The following ATF2 variants were observed in gnomAD, a reference collection of about 807,000 sequenced individuals.
ATF2 encodes the protein cyclic AMP-dependent transcription factor ATF-2.
ATF2 carries 24 observed loss-of-function variants against 60.6 expected under a neutral mutation model. That is an observed-to-expected ratio of 0.40 (90% CI 0.29 to 0.56). The LOEUF (loss-of-function observed/expected upper bound fraction) is 0.56, where lower values mean the gene tolerates loss of function less well. ATF2 is among the 20% of genes least tolerant of loss of function. The pLI, the probability that ATF2 is intolerant of heterozygous loss-of-function variation, is 0.54. For synonymous variants in ATF2, 206 were observed against 215.4 expected, an observed-to-expected ratio of 0.96 and a Z score of 0.38; for missense variants, 433 against 607.7, an observed-to-expected ratio of 0.71 and a Z score of 3.02.
In ATF2 at chr2:175,135,006, TAAAAAAA is replaced by T. The variant is rs60122560; in HGVS notation, c.32+1399_32+1405del. Among the ~76,000 whole-genome samples, 8 of 85,786 alleles carry T rather than the reference TAAAAAAA, an allele frequency of 9.3e-5. No individual in the cohort carries two copies. The South Asian group carries it at 1.5e-3, about 16-fold the overall frequency. 56.3% of individuals were successfully genotyped at this position (85,786 alleles called of 152,430 possible). A position where few individuals can be genotyped will look rare whatever the true frequency, so the allele number is the denominator to read the frequency against. On this transcript the variant is annotated intron_variant, in intron 3 of 13. Coordinates refer to ENST00000264110, the MANE Select transcript of ATF2 (RefSeq NM_001880.4). ...GTGACAAAATAAGACCCCATCTCTT[TAAAAAAA>T]AAAAAAAAAAAAAAAAAAAGACCAT... is the stretch of plus-strand genomic sequence containing the variant.
chr2:175,126,171 G>A (rs1697318748), intron 4 of ATF2, among the ~76,000 whole-genome samples: 1 of 151,982 alleles, frequency 6.6e-6, no homozygotes, highest in Admixed American at 6.6e-5. Flanking sequence ...ATCCTATTTA[G>A]GATATGACTA....
At chr2:175,117,404 C>T (rs973916691) in intron 7 of ATF2, among the ~76,000 whole-genome samples, 4 of 152,106 alleles carry the variant, frequency 2.6e-5, no homozygotes, top group South Asian at 2.1e-4. Context: ...CATTGCCCTT[C>T]GCTGTGTCCT....
intron 12 of ATF2, 147 bp downstream of exon 12, chr2:175,092,914 G>T: frequency 1.2e-6 from 1 of 807,392 alleles, no homozygotes; most frequent in Non-Finnish European, 1.9e-6. Flanking sequence ...CAAACAAACA[G>T]GTTTACAAAA....
At chr2:175,150,728 ATTC>A (rs1465149524) in intron 2 of ATF2, among the ~76,000 whole-genome samples, 1 of 152,142 alleles carries the variant, frequency 6.6e-6, no homozygotes, top group Non-Finnish European at 1.5e-5. Flanking sequence ...TTATATTATT[ATTC>A]TTAGAAGAAC....
At chr2:175,132,391 G>T (rs1697794518) in intron 3 of ATF2, among the ~76,000 whole-genome samples, 1 of 152,152 alleles carries the variant, frequency 6.6e-6, no homozygotes, top group Non-Finnish European at 1.5e-5. Context: ...TTTTAATGAT[G>T]AGTAGACATT....
intron 1 of ATF2, among the ~76,000 whole-genome samples, chr2:175,164,133 A>C (rs188752408): frequency 6.7e-6 from 1 of 149,342 alleles, no homozygotes; most frequent in Admixed American, 6.7e-5. Context: ...CACCAGTTTC[A>C]AGGTTGTCAA....
At chr2:175,082,205 A>G (rs547123542) in intron 12 of ATF2, among the ~76,000 whole-genome samples, 14 of 152,360 alleles carry the variant, frequency 9.2e-5, no homozygotes, top group East Asian at 1.9e-4. Flanking sequence ...ACAATGAACT[A>G]CATCACTGTA....
chr2:175,130,329 CTT>C (rs996376589), intron 3 of ATF2, 122 bp from the exon 4 acceptor site: 18 of 547,182 alleles, frequency 3.3e-5, no homozygotes, highest in African/African-American at 3.2e-4. Flanking sequence ...AAATAAAACA[CTT>C]TTCTGACATT....
chr2:175,122,673 G>A (rs1697046507), intron 4 of ATF2, among the ~76,000 whole-genome samples: 2 of 151,978 alleles, frequency 1.3e-5, no homozygotes, highest in African/African-American at 4.8e-5. Flanking sequence ...CATCTCATGT[G>A]TGCGGCACAA....
Position 175,150,675 on chromosome 2 carries a change from T to C in ATF2, c.-44+385A>G, listed in dbSNP as rs182984535. Among the ~76,000 whole-genome samples, 438 of 152,174 alleles carry C rather than the reference T, an allele frequency of 2.9e-3. 2 individuals are homozygous for C. The highest frequency in any genetic ancestry group is 9.4e-3 in the African/African-American group (389 of 41,542). On this transcript the variant is annotated intron_variant, in intron 2 of 13. Coordinates refer to ENST00000264110, the MANE Select transcript of ATF2 (RefSeq NM_001880.4). Reference sequence around the variant, plus strand: ...ACGGCCCTAGAGTGGGTAAACTTTTTGCCCAAAATATTTTTGAAAGACAGA... The same window carrying C: ...ACGGCCCTAGAGTGGGTAAACTTTTCGCCCAAAATATTTTTGAAAGACAGA...
chr2:175,104,722 C>A (rs146562801), intron 10 of ATF2, among the ~76,000 whole-genome samples: 10 of 152,244 alleles, frequency 6.6e-5, no homozygotes, highest in African/African-American at 9.6e-5. Context: ...TCTTCTTAAG[C>A]CCACTGAAGC....
At position 175,139,605 on chromosome 2, in the gene ATF2, C is replaced by T. The variant is rs374892036; in HGVS notation, c.-43-3119G>A. On this transcript the variant is annotated intron_variant, in intron 2 of 13. Transcript: ENST00000264110. ...GGAGAATTGCTTAAACCCGGGAGGC[C>T]GAGGTTGCAGTGAGCTGAGATCGTG... is the stretch of plus-strand genomic sequence containing the variant. Among the ~76,000 whole-genome samples the T allele has an allele frequency of 3.4e-4, 51 of 147,904 alleles. 1 individual carries two copies. The highest frequency in any genetic ancestry group is 1.2e-3 in the African/African-American group (48 of 39,904).
At chr2:175,154,167 T>C (rs1049491548) in intron 1 of ATF2, among the ~76,000 whole-genome samples, 4 of 150,322 alleles carry the variant, frequency 2.7e-5, no homozygotes, top group Non-Finnish European at 5.9e-5. Flanking sequence ...TGAGCCAAGA[T>C]TGCACCACTG....
chr2:175,087,788 A>T (rs747640745), intron 12 of ATF2, among the ~76,000 whole-genome samples: 2 of 152,194 alleles, frequency 1.3e-5, no homozygotes, highest in Non-Finnish European at 2.9e-5. Context: ...ACTAGTTTTT[A>T]AAAAATTTAT....
chr2:175,159,690 A>G (rs1699900378), intron 1 of ATF2, among the ~76,000 whole-genome samples: 1 of 152,248 alleles, frequency 6.6e-6, no homozygotes, highest in South Asian at 2.1e-4. Context: ...TTTTTAAATT[A>G]AATATTTTTT....
Position 175,073,948 on chromosome 2 carries a change from C to T in ATF2, c.*661G>A, listed in dbSNP as rs1232926206. 1 of 152,004 alleles carries T rather than the reference C, an allele frequency of 6.6e-6. No individual in the cohort carries two copies. The highest frequency in any genetic ancestry group is 1.9e-4 in the East Asian group (1 of 5,192). The allele number at this position is 152,004 out of a possible 1,614,324, so 9.4% of individuals were successfully genotyped here. On this transcript the variant is annotated 3_prime_UTR_variant, in exon 14 of 14. Transcript: ENST00000264110. ...TGCTGAAAATTCTAAAATTTGTTTA[C>T]TTAAAATCTTAAATAAAAAAGGAAA...
chr2:175,153,238 G>C (rs1259300148), intron 1 of ATF2, among the ~76,000 whole-genome samples: 1 of 152,182 alleles, frequency 6.6e-6, no homozygotes, highest in African/African-American at 2.4e-5. Context: ...GAAAGGCACA[G>C]ATGTAAGGAG....
At position 175,114,547 on chromosome 2, in the gene ATF2, G is replaced by A. The variant is rs1043748458; in HGVS notation, c.626+143C>T. On this transcript the variant is annotated intron_variant, in intron 8 of 13. Coordinates refer to ENST00000264110, the MANE Select transcript of ATF2 (RefSeq NM_001880.4). The stretch of plus-strand genomic sequence containing the variant: ...TAATATTTATATTAAAGAAGACTAC[G>A]CAAGTACTTTTTCCAAAATTCGAAG... 7.7e-5 allele frequency: 107 copies of A among 1,381,374 alleles called. No homozygotes were observed. In the East Asian group the frequency reaches 2.2e-3, roughly 28 times the overall value. 85.6% of individuals were successfully genotyped at this position (1,381,374 alleles called of 1,614,324 possible). A position where few individuals can be genotyped will look rare whatever the true frequency, so the allele number is the denominator to read the frequency against.
At chr2:175,111,474 G>C in intron 10 of ATF2, 94 bp downstream of exon 10, 1 of 1,124,258 alleles carries the variant, frequency 8.9e-7, no homozygotes, top group Non-Finnish European at 1.3e-6. Flanking sequence ...TTATAAAAAT[G>C]TGATCTAAAT....
Sources: allele counts gnomAD v4.1 joint callset (sites outside exome capture counted in the v4.1 genomes callset), GRCh38; gene constraint gnomAD v4.1.1; transcripts MANE v1.5; gene names NCBI Gene and HGNC (gene_info 2026-07-23, HGNC 2026-07-21).